The following TBL1X variants were observed in gnomAD, a reference collection of about 807,000 sequenced individuals.
TBL1X encodes transducin beta like 1 X-linked.
TBL1X carries 10 observed loss-of-function variants against 50.7 expected under a neutral mutation model. The ratio of observed to expected loss-of-function variants is 0.20; its 90% confidence interval spans 0.12 to 0.33. TBL1X has a LOEUF of 0.33. Among genes scored for constraint, TBL1X ranks in the 10% least tolerant of loss-of-function variants. TBL1X has a pLI of 1.00. For synonymous variants in TBL1X, 190 were observed against 214.7 expected (o/e 0.88, Z 1.01); for missense variants, 340 against 504.4 (o/e 0.67, Z 3.12).
intron 1 of TBL1X, among the ~76,000 whole-genome samples, chrX:9,466,644 A>AGGGG (rs969637403): frequency 8.9e-6 from 1 of 112,274 alleles, no homozygotes; most frequent in Admixed American, 9.4e-5. Flanking sequence ...CTGGAAGGCG[A>AGGGG]GGGGGAAGGA....
At chrX:9,610,983 T>TCG (rs1569074854) in intron 2 of TBL1X, among the ~76,000 whole-genome samples, 18 of 112,120 alleles carry the variant, frequency 1.6e-4, no homozygotes, top group Middle Eastern at 9.1e-3. Flanking sequence ...TTCAATAGAC[T>TCG]GAGCAAATCC....
At position 9,604,869 on chromosome X, in the gene TBL1X, A is replaced by T. The variant is rs762471455; in HGVS notation, c.-130-35404A>T. ...TCACCCTTGGATTTTCTGTGTTTGG[A>T]ATCCAAGGCCTTTCCCGTGGAGTCT... is the stretch of plus-strand genomic sequence containing the variant. On this transcript the variant is annotated intron_variant, in intron 2 of 17. Transcript: ENST00000645353. 2.7e-5 allele frequency among the ~76,000 whole-genome samples: 3 copies of T among 110,708 alleles called. No homozygotes were observed. The South Asian group carries it at 1.2e-3, about 44-fold the overall frequency.
At chrX:9,685,439 C>A (rs779600453) in intron 6 of TBL1X, among the ~76,000 whole-genome samples, 74 of 110,613 alleles carry the variant, frequency 6.7e-4, no homozygotes, top group African/African-American at 2.3e-3. Flanking sequence ...CACAGACAGT[C>A]CCTGTTACTG....
At chrX:9,660,540 T>C (rs929668706) in intron 5 of TBL1X, among the ~76,000 whole-genome samples, 2 of 112,155 alleles carry the variant, frequency 1.8e-5, no homozygotes, top group Middle Eastern at 4.6e-3. Flanking sequence ...TAGAGGATGG[T>C]TGAAATCTCC....
chrX:9,651,282 C>T (rs1279420694), intron 3 of TBL1X, among the ~76,000 whole-genome samples: 1 of 111,610 alleles, frequency 9.0e-6, no homozygotes, highest in Non-Finnish European at 1.9e-5. Context: ...TGGGCTCAAG[C>T]GATCCGCCTG....
At chrX:9,473,709 T>C (rs1451200535) in intron 1 of TBL1X, among the ~76,000 whole-genome samples, 1 of 112,122 alleles carries the variant, frequency 8.9e-6, no homozygotes, top group Non-Finnish European at 1.9e-5. Flanking sequence ...CCAATTTGAT[T>C]ATGAAGAAAA....
chrX:9,606,577 G>A (rs1160946134), intron 2 of TBL1X, among the ~76,000 whole-genome samples: 2 of 111,202 alleles, frequency 1.8e-5, no homozygotes, highest in African/African-American at 6.6e-5. Flanking sequence ...GAACTCGGGA[G>A]GCTGAGGTGG....
intron 2 of TBL1X, among the ~76,000 whole-genome samples, chrX:9,510,962 G>A (rs898701387): frequency 4.5e-5 from 5 of 111,633 alleles, no homozygotes; most frequent in Non-Finnish European, 9.4e-5. Flanking sequence ...ATCCACGCAC[G>A]CACACATAAA....
At chrX:9,578,130 T>C (rs191461716) in intron 2 of TBL1X, among the ~76,000 whole-genome samples, 2 of 112,328 alleles carry the variant, frequency 1.8e-5, no homozygotes, top group African/African-American at 6.5e-5. Flanking sequence ...ACAGAAGTGT[T>C]CTCATCACTT....
intron 5 of TBL1X, among the ~76,000 whole-genome samples, chrX:9,669,134 C>G (rs2082946714): frequency 8.9e-6 from 1 of 111,795 alleles, no homozygotes; most frequent in African/African-American, 3.3e-5. Context: ...AGTCCCCAAA[C>G]TAATGCTTTC....
At chrX:9,567,115 G>T (rs147863952) in intron 2 of TBL1X, among the ~76,000 whole-genome samples, 1 of 111,544 alleles carries the variant, frequency 9.0e-6, no homozygotes, top group Non-Finnish European at 1.9e-5. Flanking sequence ...CAGGATTTTC[G>T]CACTGTTAGA....
chrX:9,581,142 C>T (rs1270203612), intron 2 of TBL1X, among the ~76,000 whole-genome samples: 2 of 112,116 alleles, frequency 1.8e-5, no homozygotes, highest in Non-Finnish European at 3.8e-5. Flanking sequence ...CAGCATCCAT[C>T]ATGTGTCCCT....
At chrX:9,595,011 G>A (rs192802774) in intron 2 of TBL1X, among the ~76,000 whole-genome samples, 114 of 111,794 alleles carry the variant, frequency 1.0e-3, no homozygotes, top group African/African-American at 3.1e-3. Context: ...CATTTTCCCC[G>A]CTGGGTCAAC....
chrX:9,514,002 GCCATGGTTCCT>G (rs1409935312), intron 2 of TBL1X, among the ~76,000 whole-genome samples: 1 of 110,115 alleles, frequency 9.1e-6, no homozygotes. Flanking sequence ...AGGGCACCAA[GCCATGGTTCCT>G]CCATGAACCA....
intron 2 of TBL1X, among the ~76,000 whole-genome samples, chrX:9,505,718 T>C (rs1282683526): frequency 8.9e-6 from 1 of 112,111 alleles, no homozygotes; most frequent in East Asian, 2.8e-4. Flanking sequence ...CATTACATAA[T>C]GGTAAAGGGA....
intron 2 of TBL1X, among the ~76,000 whole-genome samples, chrX:9,522,725 G>T (rs1047580671): frequency 8.0e-5 from 9 of 111,853 alleles, no homozygotes; most frequent in African/African-American, 2.6e-4. Context: ...AGGAGAAGCA[G>T]TTGAAGTGGA....
In TBL1X at chrX:9,697,415, T is replaced by G; in HGVS notation, c.1100T>G (p.Phe367Cys). The G allele has an allele frequency of 8.3e-7, 1 of 1,210,447 alleles. No individual in the cohort carries two copies. The highest frequency in any genetic ancestry group is 1.1e-6 in the Non-Finnish European group (1 of 895,442). ...DAHTGEAKQQ[F>C]PFHSAPALDV... is the part of the protein sequence containing the mutation. ...CACACAGGAGAAGCCAAACAGCAGT[T>G]TCCTTTTCATTCAGGTGAGTTTTTT... Residue 367 changes from phenylalanine (F) to cysteine (C), a missense_variant, in exon 12 of 18, where the codon TTT becomes TGT. Transcript: ENST00000645353.
chrX:9,578,869 A>C (rs1666582212), intron 2 of TBL1X, among the ~76,000 whole-genome samples: 1 of 112,351 alleles, frequency 8.9e-6, no homozygotes, highest in Admixed American at 9.4e-5. Flanking sequence ...AGTCAGAGGT[A>C]GGACAGATGT....
At chrX:9,679,786 G>A (rs761345903) in intron 5 of TBL1X, among the ~76,000 whole-genome samples, 1 of 111,729 alleles carries the variant, frequency 9.0e-6, no homozygotes, top group Non-Finnish European at 1.9e-5. Context: ...GGAGGGGTGA[G>A]ATGCTGGCAG....
Sources: allele counts gnomAD v4.1 joint callset (sites outside exome capture counted in the v4.1 genomes callset), GRCh38; gene constraint gnomAD v4.1.1; transcripts MANE v1.5; gene names NCBI Gene and HGNC (gene_info 2026-07-23, HGNC 2026-07-21).